Variants in CCNT1 observed in about 807,000 individuals in gnomAD.
CCNT1 encodes the protein cyclin T1, also known as cyclin-T1.
A neutral mutation model predicts 67.3 loss-of-function variants in CCNT1; 18 were observed. That is an observed-to-expected ratio of 0.27 (90% CI 0.18 to 0.40). The LOEUF (loss-of-function observed/expected upper bound fraction) is 0.40, where lower values mean the gene tolerates loss of function less well. Among genes scored for constraint, CCNT1 ranks in the 10% least tolerant of loss-of-function variants. The pLI, the probability that CCNT1 is intolerant of heterozygous loss-of-function variation, is 1.00. For missense variants in CCNT1, 744 were observed against 884.9 expected, an observed-to-expected ratio of 0.84 and a Z score of 2.02; for synonymous variants, 333 against 310.3, an observed-to-expected ratio of 1.07 and a Z score of -0.77.
rs188066229 is a variant in CCNT1 at position 48,704,754 on chromosome 12, A to C, written c.372+1014T>G. Among the ~76,000 whole-genome samples the C allele has an allele frequency of 9.3e-3, 1,410 of 152,262 alleles. 25 individuals are homozygous for C. The highest frequency in any genetic ancestry group is 0.033 in the African/African-American group (1,364 of 41,538). On this transcript the variant is annotated intron_variant, in intron 3 of 8. Coordinates refer to ENST00000261900, the MANE Select transcript of CCNT1 (RefSeq NM_001240.4). ...AAACCGGCAGGTGGAGGTTGCAGTG[A>C]GCCGAGATTGCGCCACTGCACTCCA...
intron 6 of CCNT1, among the ~76,000 whole-genome samples, chr12:48,697,333 A>C (rs1940185282): frequency 6.6e-6 from 1 of 151,554 alleles, no homozygotes; most frequent in African/African-American, 2.4e-5. Flanking sequence ...CAGCCTAGTC[A>C]ACATAGCGAA....
intron 6 of CCNT1, 59 bp from the exon 7 acceptor site, chr12:48,696,221 C>A: frequency 1.2e-5 from 4 of 328,468 alleles, no homozygotes; most frequent in African/African-American, 3.3e-5. Context: ...CAGCCCAAAG[C>A]TAAAACTCTC....
Position 48,693,782 on chromosome 12 carries a change from C to G in CCNT1, c.1432G>C (p.Glu478Gln), listed in dbSNP as rs756355960. ...GGDKAASSKP[E>Q]EIKMRIKVHA... ...ACTTTTATGCGCATTTTTATCTCCT[C>G]TGGTTTTGAAGACGCAGCTTTATCT... Residue 478 changes from glutamate to glutamine, a missense_variant, in exon 9 of 9, where the codon GAG becomes CAG. Glu to Gln is a conservative substitution (Grantham distance 29, BLOSUM62 2). Transcript: ENST00000261900. The G allele has an allele frequency of 9.3e-6, 15 of 1,614,140 alleles. No individual in the cohort carries two copies. The South Asian group carries it at 1.6e-4, about 18-fold the overall frequency.
intron 2 of CCNT1, among the ~76,000 whole-genome samples, chr12:48,708,004 G>A (rs914987002): frequency 6.6e-6 from 1 of 152,152 alleles, no homozygotes; most frequent in South Asian, 2.1e-4. Flanking sequence ...GAAGGCAGGG[G>A]TTGAAGTGAG....
At chr12:48,701,174 C>T in intron 3 of CCNT1, 101 bp from the exon 4 acceptor site, 1 of 513,716 alleles carries the variant, frequency 1.9e-6, no homozygotes, top group Non-Finnish European at 3.5e-6. Context: ...CAATAAAAGG[C>T]ATGAGTGGAG....
intron 8 of CCNT1, 80 bp from the exon 9 acceptor site, chr12:48,694,516 C>G: frequency 1.5e-6 from 2 of 1,305,816 alleles, no homozygotes; most frequent in South Asian, 2.8e-5. Flanking sequence ...ATTGTACTTG[C>G]AGCAACACTG....
chr12:48,702,754 T>C (rs951271788), intron 3 of CCNT1, among the ~76,000 whole-genome samples: 2 of 151,458 alleles, frequency 1.3e-5, no homozygotes, highest in African/African-American at 2.4e-5. Flanking sequence ...GAGGTGGAGG[T>C]TGCAGTGAGC....
Position 48,698,187 on chromosome 12 carries a change from A to AAC in CCNT1, c.497-5_497-4insGT. ...GTCTGTGCTAAGTCCTTGCTTGCTA[A>AAC]AGAAAAAAAAAAAAAGTCAGGGGTG... On this transcript the variant is annotated splice_polypyrimidine_tract_variant and splice_region_variant and intron_variant, in intron 5 of 8. Coordinates refer to ENST00000261900, the MANE Select transcript of CCNT1 (RefSeq NM_001240.4). The AAC allele has an allele frequency of 6.9e-6, 10 of 1,448,132 alleles. No homozygotes were observed. Among genetic ancestry groups the AAC allele is most frequent in the Non-Finnish European group, 7.3e-6 (8 of 1,093,482 alleles). 89.7% of individuals were successfully genotyped at this position (1,448,132 alleles called of 1,614,324 possible). A position where few individuals can be genotyped will look rare whatever the true frequency, so the allele number is the denominator to read the frequency against.
At chr12:48,706,991 C>T (rs1284105259) in intron 2 of CCNT1, among the ~76,000 whole-genome samples, 1 of 152,066 alleles carries the variant, frequency 6.6e-6, no homozygotes, top group Non-Finnish European at 1.5e-5. Flanking sequence ...ATCACTTGAG[C>T]CCAGGAGTCC....
chr12:48,697,365 C>T (rs548137190), intron 6 of CCNT1, among the ~76,000 whole-genome samples: 114 of 150,952 alleles, frequency 7.6e-4, no homozygotes, highest in Non-Finnish European at 1.3e-3. Flanking sequence ...ACTGAAAATA[C>T]AAAAAAATTA....
At chr12:48,708,844 C>T (rs928029236) in intron 2 of CCNT1, among the ~76,000 whole-genome samples, 1 of 152,068 alleles carries the variant, frequency 6.6e-6, no homozygotes, top group Admixed American at 6.6e-5. Flanking sequence ...AGACTCTTGC[C>T]TATAATCCTA....
At chr12:48,708,651 T>C (rs1940403139) in intron 2 of CCNT1, among the ~76,000 whole-genome samples, 1 of 152,168 alleles carries the variant, frequency 6.6e-6, no homozygotes, top group African/African-American at 2.4e-5. Flanking sequence ...TAAATATATG[T>C]ACATGTACTT....
chr12:48,703,051 G>A (rs887039864), intron 3 of CCNT1, among the ~76,000 whole-genome samples: 1 of 151,634 alleles, frequency 6.6e-6, no homozygotes, highest in Admixed American at 6.6e-5. Flanking sequence ...CTCTTTATGA[G>A]AATCTAATGC....
At position 48,714,499 on chromosome 12, in the gene CCNT1, T is replaced by C; in HGVS notation, c.187A>G (p.Ile63Val). 1.2e-6 allele frequency: 2 copies of C among 1,610,516 alleles called. No individual in the cohort carries two copies. Among genetic ancestry groups the C allele is most frequent in the African/African-American group, 1.3e-5 (1 of 74,952 alleles). Residue 63 changes from isoleucine (I) to valine (V), a missense_variant, in exon 2 of 9, where the codon ATA (isoleucine) becomes GTA (valine). By Grantham distance (29) the Ile-to-Val change is conservative. Around this residue, in one of 3 missense-constraint regions of CCNT1, gnomAD observed 142 missense variants for 277.0 expected, o/e 0.51. Transcript: ENST00000261900. ...ATGTAGAATCGATGCATGTATACTA[T>C]AGCAGTGTTGATAGTCAATTGTGAG... The part of the protein sequence containing the change: ...NVSQLTINTA[I>V]VYMHRFYMIQ...
chr12:48,705,683 A>G, intron 3 of CCNT1, 85 bp downstream of exon 3: 1 of 1,061,952 alleles, frequency 9.4e-7, no homozygotes, highest in South Asian at 1.4e-5. Context: ...ATTGAAATAC[A>G]TAAAGATCCA....
At chr12:48,697,530 A>ATATAT (rs1231028375) in intron 6 of CCNT1, among the ~76,000 whole-genome samples, 20 of 118,510 alleles carry the variant, frequency 1.7e-4, no homozygotes, top group African/African-American at 5.9e-4. Context: ...CTTAAAAAAA[A>ATATAT]AAAAATATAT....
At chr12:48,701,535 G>A (rs1159059405) in intron 3 of CCNT1, among the ~76,000 whole-genome samples, 1 of 151,982 alleles carries the variant, frequency 6.6e-6, no homozygotes, top group Non-Finnish European at 1.5e-5. Flanking sequence ...TTCATTTTCA[G>A]GTTAATATTT....
chr12:48,696,516 T>C (rs1398514016), intron 6 of CCNT1, among the ~76,000 whole-genome samples: 2 of 152,024 alleles, frequency 1.3e-5, no homozygotes, highest in Non-Finnish European at 2.9e-5. Flanking sequence ...GAAGTCAATA[T>C]TTATTACCTA....
At chr12:48,712,814 C>T (rs1020382661) in intron 2 of CCNT1, among the ~76,000 whole-genome samples, 2 of 151,714 alleles carry the variant, frequency 1.3e-5, no homozygotes, top group Non-Finnish European at 2.9e-5. Flanking sequence ...GTGGCACATG[C>T]ATGTAATCCC....
Sources: allele counts gnomAD v4.1 joint callset (sites outside exome capture counted in the v4.1 genomes callset), GRCh38; gene constraint gnomAD v4.1.1; regional missense constraint gnomAD v4.1.1; transcripts MANE v1.5; gene names NCBI Gene and HGNC (gene_info 2026-07-23, HGNC 2026-07-21).